The following A2ML1 variants were observed in gnomAD, a reference collection of about 807,000 sequenced individuals.
The protein encoded by A2ML1 is alpha-2-macroglobulin like 1, also known as alpha-2-macroglobulin-like protein 1.
A neutral mutation model predicts 181.9 loss-of-function variants in A2ML1; 161 were observed. The observed-to-expected ratio is 0.89, with a 90% confidence interval of 0.78 to 1.01. The LOEUF (loss-of-function observed/expected upper bound fraction) is 1.01. Ranked by LOEUF, A2ML1 falls within the 50% of genes least tolerant of loss-of-function variation. The probability of loss-of-function intolerance (pLI) is 0.00; values close to 1 mark genes in which losing one functional copy is unlikely to be tolerated. For missense variants in A2ML1, 1,670 were observed against 1,768.1 expected (o/e 0.94, Z 1.00); for synonymous variants, 663 against 666.8 (o/e 0.99, Z 0.09).
chr12:8,878,281 C>T (rs146196860), downstream of A2ML1, among the ~76,000 whole-genome samples: 733 of 152,110 alleles, frequency 4.8e-3, 6 homozygotes, highest in African/African-American at 0.016. This position sits in a 1 kb window ranked among gnomAD's most constrained non-coding sequence, Gnocchi z 4.4. Context: ...TCAGCCTGGG[C>T]GACAAGAGCA....
At chr12:8,823,512 CT>C in intron 2 of A2ML1, 147 bp downstream of exon 2, 1 of 1,083,212 alleles carries the variant, frequency 9.2e-7, no homozygotes, top group Non-Finnish European at 1.3e-6. Flanking sequence ...CAATCCCCGG[CT>C]ATAACTCACC....
intron 3 of A2ML1, among the ~76,000 whole-genome samples, chr12:8,826,075 C>A (rs1942919869): frequency 6.6e-6 from 1 of 152,046 alleles, no homozygotes; most frequent in South Asian, 2.1e-4. Flanking sequence ...TATTTTAGGT[C>A]TTTTATGGTT....
At chr12:8,822,852 C>A in intron 1 of A2ML1, 139 bp downstream of exon 1, 1 of 781,968 alleles carries the variant, frequency 1.3e-6, no homozygotes, top group Non-Finnish European at 2.1e-6. Context: ...TTTGGTTCCA[C>A]TGATCCTTTA....
chr12:8,836,143 C>T, intron 6 of A2ML1, 112 bp from the exon 7 acceptor site: 3 of 799,476 alleles, frequency 3.8e-6, no homozygotes, highest in Non-Finnish European at 6.2e-6. Context: ...AATAATGCCT[C>T]CTTCATTAGA....
At chr12:8,867,205 G>T (rs1321515361) in intron 29 of A2ML1, among the ~76,000 whole-genome samples, 2 of 152,202 alleles carry the variant, frequency 1.3e-5, no homozygotes, top group Non-Finnish European at 2.9e-5. Flanking sequence ...CCCAAATAAG[G>T]AAGCTGTAAA....
At chr12:8,827,411 A>G (rs759748203) in intron 3 of A2ML1, among the ~76,000 whole-genome samples, 98 of 152,240 alleles carry the variant, frequency 6.4e-4, no homozygotes, top group African/African-American at 2.3e-3. Context: ...TAAACTTTCC[A>G]TCTCATTTTC....
At chr12:8,886,776 T>G (rs1178997395) in exon 8 of A2ML1, 1 of 152,214 alleles carries the variant, frequency 6.6e-6, no homozygotes, top group Non-Finnish European at 1.5e-5. Flanking sequence ...CCCTTATGGC[T>G]GCATTTCACC....
chr12:8,841,627 C>G, intron 11 of A2ML1, 91 bp downstream of exon 11: 1 of 1,318,928 alleles, frequency 7.6e-7, no homozygotes, highest in Non-Finnish European at 1.0e-6. Flanking sequence ...CTCCCCTCTG[C>G]TTGGAATTAC....
intron 17 of A2ML1, 96 bp from the exon 18 acceptor site, chr12:8,850,064 C>T: frequency 2.2e-6 from 2 of 929,728 alleles, no homozygotes; most frequent in South Asian, 1.7e-5. Flanking sequence ...TCTCTGCTTC[C>T]CTCTAAATTT....
intron 28 of A2ML1, among the ~76,000 whole-genome samples, chr12:8,863,150 A>G (rs957344674): frequency 3.3e-5 from 5 of 150,276 alleles, no homozygotes; most frequent in African/African-American, 9.8e-5. Context: ...TTTGTTGCCC[A>G]GGTTGGAGTG....
rs765976469 is a variant in A2ML1, at chr12:8,848,878, G to A, written c.1992G>A (p.Ser664=). Residue 664 remains serine (S), a synonymous_variant, in exon 16 of 36, where the codon TCG becomes TCA. Transcript: ENST00000299698. ...SSQRSIIWRP[S]FSEGTDLFSF... ...AGCGTTCCATTATCTGGAGGCCCTC[G>A]TTCTCTGAAGGCACGGACCTTTTCA... 4 of 1,613,942 alleles carry A rather than the reference G, an allele frequency of 2.5e-6. No homozygotes were observed. The highest frequency in any genetic ancestry group is 2.2e-5 in the East Asian group (1 of 44,872).
intron 2 of A2ML1, 34 bp downstream of exon 2, chr12:8,823,399 T>C: frequency 6.3e-7 from 1 of 1,586,832 alleles, no homozygotes; most frequent in East Asian, 2.2e-5. Context: ...TCGAATCCCT[T>C]ACTTGCCTAT....
intron 31 of A2ML1, 81 bp from the exon 32 acceptor site, chr12:8,868,456 A>ATTTG: frequency 9.1e-7 from 1 of 1,095,974 alleles, no homozygotes; most frequent in East Asian, 2.5e-5. Flanking sequence ...GTGTGTGTGT[A>ATTTG]CGTGTGTGTG....
chr12:8,868,164 G>A, intron 30 of A2ML1, 66 bp from the exon 31 acceptor site: 2 of 1,611,270 alleles, frequency 1.2e-6, no homozygotes, highest in Non-Finnish European at 1.7e-6. Flanking sequence ...AAGAAAAGTA[G>A]TTTGAACTGT....
rs61919498 is a variant in A2ML1, at chr12:8,864,261, G to C, written c.3717+253G>C. Reference sequence around the variant, plus strand: ...GGCATGGTGGCTCATGCCTGTCATCGCAGCACTTTGAGAGGCCGAGGCAGG... The same window carrying C: ...GGCATGGTGGCTCATGCCTGTCATCCCAGCACTTTGAGAGGCCGAGGCAGG... On this transcript the variant is annotated intron_variant, in intron 29 of 35. Coordinates refer to ENST00000299698, the MANE Select transcript of A2ML1 (RefSeq NM_144670.6). Among the ~76,000 whole-genome samples, 101,525 of 115,876 alleles carry C rather than the reference G, an allele frequency of 0.88. 45,009 individuals are homozygous for C. The highest frequency in any genetic ancestry group is 1 in the East Asian group (4,023 of 4,028). The allele number at this position is 115,876 out of a possible 152,430, so 76.0% of individuals were successfully genotyped here.
In A2ML1 at chr12:8,868,017, A is replaced by C. The variant is rs1202562166; in HGVS notation, c.3893A>C (p.Tyr1298Ser). 1 of 1,614,134 alleles carries C rather than the reference A, an allele frequency of 6.2e-7. No individual in the cohort carries two copies. The highest frequency in any genetic ancestry group is 2.2e-5 in the East Asian group (1 of 44,894). ...QDTLPNVPGM[Y>S]TLEASGQGCV... ...ACCCTGCCCAATGTCCCTGGAATGTACACGTTGGAGGCCTCAGGCCAGGGC... is the reference window on the plus strand; with the variant it reads ...ACCCTGCCCAATGTCCCTGGAATGTCCACGTTGGAGGCCTCAGGCCAGGGC... The change falls in exon 30 of 36, where the codon TAC (tyrosine) becomes TCC (serine). Residue 1298 changes from tyrosine to serine, a missense_variant. Tyr to Ser is a moderately radical substitution (Grantham distance 144). Transcript: ENST00000299698.
At chr12:8,862,622 G>T (rs1281188000) in intron 28 of A2ML1, among the ~76,000 whole-genome samples, 1 of 152,196 alleles carries the variant, frequency 6.6e-6, no homozygotes, top group Non-Finnish European at 1.5e-5. Context: ...CAGAAGTGCA[G>T]TCTCAGCCTT....
At chr12:8,862,847 CCTT>C (rs755565654) in intron 28 of A2ML1, among the ~76,000 whole-genome samples, 62 of 152,182 alleles carry the variant, frequency 4.1e-4, no homozygotes, top group African/African-American at 1.4e-3. Flanking sequence ...ATTAGATTGC[CCTT>C]CTGTGGTTAC....
At chr12:8,840,378 AATAC>A (rs1305436224) in intron 10 of A2ML1, among the ~76,000 whole-genome samples, 12 of 151,916 alleles carry the variant, frequency 7.9e-5, no homozygotes, top group Non-Finnish European at 1.6e-4. Flanking sequence ...AAAAAAGATA[AATAC>A]ATAATTAAAT....
Sources: allele counts gnomAD v4.1 joint callset (sites outside exome capture counted in the v4.1 genomes callset), GRCh38; gene constraint gnomAD v4.1.1; non-coding constraint Gnocchi (gnomAD v3.1); transcripts MANE v1.5; gene names NCBI Gene and HGNC (gene_info 2026-07-23, HGNC 2026-07-21).